The following SYNJ2 variants were observed in gnomAD, a reference collection of about 807,000 sequenced individuals.
The protein encoded by SYNJ2 is synaptojanin 2, also known as polyphosphatidylinositol phosphatase SYNJ2.
Under a neutral mutation model 141.3 loss-of-function variants are expected in SYNJ2, and 116 were observed. The observed-to-expected ratio is 0.82, with a 90% confidence interval of 0.71 to 0.96. The LOEUF is 0.96. Among genes scored for constraint, SYNJ2 ranks in the 40% least tolerant of loss-of-function variants. SYNJ2 has a pLI of 0.00. For missense variants in SYNJ2, 1,873 were observed against 1,934.8 expected (o/e 0.97, Z 0.60); for synonymous variants, 745 against 777.7 (o/e 0.96, Z 0.70).
rs77067133 is a variant in SYNJ2, at chr6:158,069,351, G to A, written c.1800-182G>A. Reference sequence around the variant, plus strand: ...AGGGAGGGCTGCTGTGATGTGTGAGGCATAGCCAAAAACACGCAGATCCTC... The same window carrying A: ...AGGGAGGGCTGCTGTGATGTGTGAGACATAGCCAAAAACACGCAGATCCTC... On this transcript the variant is annotated intron_variant, in intron 13 of 26. Transcript: ENST00000355585. Among the ~76,000 whole-genome samples the A allele has an allele frequency of 9.7e-3, 1,480 of 152,216 alleles. 27 individuals carry two copies. Among genetic ancestry groups the A allele is most frequent in the African/African-American group, 0.034 (1,394 of 41,524 alleles).
At position 158,095,861 on chromosome 6, in the gene SYNJ2, C is replaced by G. The variant is rs374078059; in HGVS notation, c.3988C>G (p.Pro1330Ala). 2.6e-4 allele frequency: 422 copies of G among 1,614,014 alleles called. No homozygotes were observed. The highest frequency in any genetic ancestry group is 3.4e-4 in the Non-Finnish European group (400 of 1,180,004). Residue 1330 changes from proline to alanine, a missense_variant, in exon 27 of 27, where the codon CCC becomes GCC. By Grantham distance (27) the Pro-to-Ala change is conservative (BLOSUM62 -1). Transcript: ENST00000355585. ...ACCTCTGGAGGCGCCGCCTCTTGTG[C>G]CCAAGGTACCCCCGAGGAGGAAGAA... ...PPPLEAPPLVPKVPPRRKKSA... is the reference protein window; with the variant it reads ...PPPLEAPPLVAKVPPRRKKSA...
chr6:158,033,737 C>A, intron 4 of SYNJ2, 57 bp downstream of exon 4: 1 of 1,534,224 alleles, frequency 6.5e-7, no homozygotes, highest in Non-Finnish European at 8.8e-7. Flanking sequence ...GCAGCTCTTG[C>A]ACACGCGCTT....
intron 2 of SYNJ2, among the ~76,000 whole-genome samples, chr6:158,022,485 G>A (rs9456980): frequency 0.39 from 58,628 of 152,022 alleles, 11,592 homozygotes; most frequent in Middle Eastern, 0.5. Flanking sequence ...ACCTCACTCT[G>A]GCAGCTCCCT....
chr6:158,035,522 A>T (rs1779592225), intron 4 of SYNJ2, among the ~76,000 whole-genome samples: 2 of 152,112 alleles, frequency 1.3e-5, no homozygotes, highest in Admixed American at 1.3e-4. Flanking sequence ...GACTTTGCCG[A>T]AGCTGTTTAT....
intron 1 of SYNJ2, among the ~76,000 whole-genome samples, chr6:157,999,610 G>A (rs148434875): frequency 2.2e-4 from 34 of 152,326 alleles, no homozygotes; most frequent in African/African-American, 6.7e-4. Flanking sequence ...TGCTAGAGGC[G>A]GACAACAGCC....
At chr6:158,005,602 A>AAG (rs1442927018) in intron 1 of SYNJ2, among the ~76,000 whole-genome samples, 3 of 151,526 alleles carry the variant, frequency 2.0e-5, no homozygotes, top group Non-Finnish European at 2.9e-5. Context: ...TGTGCAGTAG[A>AAG]AGTTTCTGGA....
intron 1 of SYNJ2, among the ~76,000 whole-genome samples, chr6:158,011,708 C>G (rs1447741669): frequency 6.6e-6 from 1 of 152,176 alleles, no homozygotes; most frequent in Non-Finnish European, 1.5e-5. Flanking sequence ...CATCTTCCCA[C>G]CCCTCAAGTG....
At chr6:158,080,430 G>A (rs1271148292) in intron 18 of SYNJ2, among the ~76,000 whole-genome samples, 9 of 149,384 alleles carry the variant, frequency 6.0e-5, no homozygotes, top group East Asian at 2.0e-4. Flanking sequence ...GGCTGAGATC[G>A]CGCCACTGCA....
intron 7 of SYNJ2, 36 bp downstream of exon 7, chr6:158,059,389 G>T: frequency 6.5e-7 from 1 of 1,546,666 alleles, no homozygotes; most frequent in Non-Finnish European, 8.7e-7. Context: ...GCTGGGCTGG[G>T]CGGCAGGTGG....
At chr6:158,025,967 TA>T (rs1224454786) in intron 2 of SYNJ2, among the ~76,000 whole-genome samples, 2 of 138,166 alleles carry the variant, frequency 1.4e-5, no homozygotes, top group African/African-American at 5.5e-5. Context: ...AATAAATAAA[TA>T]AATAATACAT....
chr6:157,982,216 C>G lies in SYNJ2; in HGVS notation c.127+128C>G. On this transcript the variant is annotated intron_variant, in intron 1 of 26. Coordinates refer to ENST00000355585, the MANE Select transcript of SYNJ2 (RefSeq NM_003898.4). This position sits in a 1 kb window ranked among gnomAD's most constrained non-coding sequence, Gnocchi z 4.0. ...GCTGGGACTGCCGGGGCGTAGGGGT[C>G]GCGCGCAGAGGGGTGGCTGTTTGAA... The G allele has an allele frequency of 8.5e-7, 1 of 1,182,320 alleles. No individual in the cohort carries two copies. The highest frequency in any genetic ancestry group is 1.1e-6 in the Non-Finnish European group (1 of 939,044). 73.2% of individuals were successfully genotyped at this position (1,182,320 alleles called of 1,614,324 possible). A position where few individuals can be genotyped will look rare whatever the true frequency, so the allele number is the denominator to read the frequency against.
chr6:158,084,903 A>G lies in SYNJ2; in HGVS notation c.3208+729A>G, dbSNP rs903333569. On this transcript the variant is annotated intron_variant, in intron 22 of 26. Transcript: ENST00000355585. This position sits in a 1 kb window ranked among gnomAD's most constrained non-coding sequence, Gnocchi z 5.0. ...GAGTTGCTGGCGTATGGTCACACTC[A>G]TATAATATCATATTATTATACAGTC... Among the ~76,000 whole-genome samples, 1 of 151,998 alleles carries G rather than the reference A, an allele frequency of 6.6e-6. No individual in the cohort carries two copies. The highest frequency in any genetic ancestry group is 6.6e-5 in the Admixed American group (1 of 15,262).
Position 158,071,924 on chromosome 6 carries a change from G to T in SYNJ2, c.2133+130G>T. On this transcript the variant is annotated intron_variant, in intron 15 of 26. Coordinates refer to ENST00000355585, the MANE Select transcript of SYNJ2 (RefSeq NM_003898.4). This position sits in a 1 kb window ranked among gnomAD's most constrained non-coding sequence, Gnocchi z 4.3. ...CCTTCCTGGAGGGCTCAGCGCTGGG[G>T]GAGGGGGAGAGGGCTATGTCCCTCC... 1 of 1,116,284 alleles carries T rather than the reference G, an allele frequency of 9.0e-7. No individual in the cohort carries two copies. 69.1% of individuals were successfully genotyped at this position (1,116,284 alleles called of 1,614,324 possible).
chr6:158,068,970 T>C (rs932866339), intron 13 of SYNJ2, among the ~76,000 whole-genome samples: 5 of 152,182 alleles, frequency 3.3e-5, no homozygotes, highest in Non-Finnish European at 7.3e-5. Context: ...TTCTTTGCAG[T>C]GCTCTGGCCT....
intron 5 of SYNJ2, among the ~76,000 whole-genome samples, chr6:158,044,621 A>G (rs1780138803): frequency 6.6e-6 from 1 of 152,224 alleles, no homozygotes; most frequent in South Asian, 2.1e-4. Flanking sequence ...TTATTGCAAT[A>G]TAACTTACAC....
chr6:158,048,845 C>G (rs1780397494), intron 5 of SYNJ2, among the ~76,000 whole-genome samples: 1 of 152,210 alleles, frequency 6.6e-6, no homozygotes, highest in Non-Finnish European at 1.5e-5. Flanking sequence ...CAGCTGGGTG[C>G]ACCGTCGGCT....
At position 158,017,328 on chromosome 6, in the gene SYNJ2, C is replaced by G. The variant is rs781322666; in HGVS notation, c.214+38C>G. The G allele has an allele frequency of 3.6e-5, 57 of 1,585,210 alleles. No individual in the cohort carries two copies. In the South Asian group the frequency reaches 5.9e-4, roughly 17 times the overall value. Reference sequence around the variant, plus strand: ...TCGCTGGAGGAGCAGGCGCCAGGCTCCCCGGTGGGCAGGAGCCTCTGTGTC... The same window carrying G: ...TCGCTGGAGGAGCAGGCGCCAGGCTGCCCGGTGGGCAGGAGCCTCTGTGTC... On this transcript the variant is annotated intron_variant, in intron 2 of 26. Transcript: ENST00000355585.
intron 7 of SYNJ2, 82 bp from the exon 8 acceptor site, chr6:158,061,910 C>A (rs879819766): frequency 7.1e-7 from 1 of 1,418,250 alleles, no homozygotes. Context: ...GTTAGCCGCA[C>A]GGGTCAAGCT....
At chr6:158,025,185 C>T (rs1409073322) in intron 2 of SYNJ2, among the ~76,000 whole-genome samples, 1 of 152,206 alleles carries the variant, frequency 6.6e-6, no homozygotes, top group African/African-American at 2.4e-5. Context: ...TTCTCTGCAT[C>T]TGACATGGTG....
Sources: gnomAD v4.1 joint callset for allele counts (sites outside exome capture counted in the v4.1 genomes callset) on GRCh38, gnomAD v4.1.1 for gene constraint, Gnocchi (gnomAD v3.1) non-coding constraint, MANE v1.5 for transcripts, NCBI Gene and HGNC (gene_info 2026-07-23, HGNC 2026-07-21) for gene names.